The following STAU1 variants were observed in gnomAD, a reference collection of about 807,000 sequenced individuals.
The protein encoded by STAU1 is double-stranded RNA-binding protein Staufen homolog 1.
A neutral mutation model predicts 62.9 loss-of-function variants in STAU1; 13 were observed. The observed-to-expected ratio is 0.21, with a 90% confidence interval of 0.13 to 0.33. The LOEUF (loss-of-function observed/expected upper bound fraction) is 0.33, where lower values mean the gene tolerates loss of function less well. STAU1 is among the 10% of genes least tolerant of loss of function. The pLI is 1.00. For missense variants in STAU1, 571 were observed against 712.1 expected (o/e 0.80, Z 2.25); for synonymous variants, 269 against 265.1 (o/e 1.01, Z -0.14).
the STAU1 span, among the ~76,000 whole-genome samples, chr20:49,204,108 A>C: frequency 1.3e-5 from 2 of 151,766 alleles, no homozygotes; most frequent in African/African-American, 4.8e-5. Context: ...CTAAAACAAT[A>C]TTGTTTTGTG....
the STAU1 span, among the ~76,000 whole-genome samples, chr20:49,204,988 A>G: frequency 3.9e-5 from 6 of 151,986 alleles, no homozygotes; most frequent in African/African-American, 9.6e-5. Flanking sequence ...TCATAAAAAA[A>G]AATTCACAAG....
the STAU1 span, among the ~76,000 whole-genome samples, chr20:49,217,728 T>A: frequency 1.4e-5 from 2 of 147,014 alleles, no homozygotes; most frequent in East Asian, 4.0e-4. Context: ...ATGCCTGTAA[T>A]CCCAGCTACT....
At chr20:49,217,803 C>A in the STAU1 span, among the ~76,000 whole-genome samples, 9 of 149,330 alleles carry the variant, frequency 6.0e-5, no homozygotes, top group Admixed American at 1.3e-4. Flanking sequence ...GCCGAGATCG[C>A]GCCACTACAC....
At chr20:49,171,983 G>A (rs2085107740) in intron 2 of STAU1, among the ~76,000 whole-genome samples, 1 of 148,752 alleles carries the variant, frequency 6.7e-6, no homozygotes, top group South Asian at 2.1e-4. Context: ...ACAGAGATTA[G>A]CCCTGAGGAG....
In STAU1 at chr20:49,134,188, T is replaced by C. The variant is rs1035537038; in HGVS notation, c.609+1645A>G. ...GGCTCACGCCTGTAATCCCAGCACTTTGGGAGGCCGAGATGGGTGGATCAC... is the reference window on the plus strand; with the variant it reads ...GGCTCACGCCTGTAATCCCAGCACTCTGGGAGGCCGAGATGGGTGGATCAC... On this transcript the variant is annotated intron_variant, in intron 6 of 13. Transcript: ENST00000371856. Among the ~76,000 whole-genome samples, 3 of 151,974 alleles carry C rather than the reference T, an allele frequency of 2.0e-5. No homozygotes were observed. In the East Asian group the frequency reaches 5.8e-4, roughly 29 times the overall value.
intron 1 of STAU1, among the ~76,000 whole-genome samples, chr20:49,181,236 T>C (rs898290367): frequency 1.3e-5 from 2 of 152,222 alleles, no homozygotes; most frequent in African/African-American, 2.4e-5. Context: ...CCTGACCTTT[T>C]AATTCCTTTT....
intron 2 of STAU1, among the ~76,000 whole-genome samples, chr20:49,170,724 G>C (rs1244964926): frequency 3.4e-5 from 5 of 145,246 alleles, no homozygotes; most frequent in Non-Finnish European, 7.5e-5. Context: ...CTATACTTTT[G>C]TTTAATCAAC....
chr20:49,195,903 A>AAAAAAAAGAAAAAAAG, the STAU1 span, among the ~76,000 whole-genome samples: 274 of 94,454 alleles, frequency 2.9e-3, 3 homozygotes, highest in African/African-American at 7.8e-3. Context: ...CCTCTCAAAA[A>AAAAAAAAGAAAAAAAG]AAAAAAAAAA....
the STAU1 span, among the ~76,000 whole-genome samples, chr20:49,217,076 G>A: frequency 1.3e-5 from 2 of 152,148 alleles, no homozygotes; most frequent in Non-Finnish European, 2.9e-5. Flanking sequence ...AGAATGAGGC[G>A]CTGCTCAGCG....
intron 2 of STAU1, among the ~76,000 whole-genome samples, chr20:49,170,453 T>C (rs2093582731): frequency 6.6e-6 from 1 of 152,088 alleles, no homozygotes; most frequent in African/African-American, 2.4e-5. Flanking sequence ...CAGGTTCAAG[T>C]GATTCTCCTG....
chr20:49,135,797 T>A (rs2092868502), intron 6 of STAU1, 36 bp downstream of exon 6: 5 of 1,513,864 alleles, frequency 3.3e-6, no homozygotes, highest in Non-Finnish European at 4.6e-6. Context: ...TAACAGGATT[T>A]TAGAATACAA....
chr20:49,172,991 C>CA (rs1300767570), intron 2 of STAU1, among the ~76,000 whole-genome samples: 3 of 68,102 alleles, frequency 4.4e-5, no homozygotes, highest in Non-Finnish European at 8.4e-5. Flanking sequence ...CATTCTCCCG[C>CA]CCCCCAACAC....
chr20:49,163,419 CTTTTTTTTTTTTTT>C (rs200864480), intron 3 of STAU1, among the ~76,000 whole-genome samples: 3 of 82,440 alleles, frequency 3.6e-5, no homozygotes, highest in Admixed American at 3.0e-4. Flanking sequence ...GTGTTTAAAC[CTTTTTTTTTTTTTT>C]TTTTTTTTTT....
At chr20:49,175,932 C>A (rs1213408172) in intron 1 of STAU1, among the ~76,000 whole-genome samples, 1 of 150,932 alleles carries the variant, frequency 6.6e-6, no homozygotes, top group African/African-American at 2.4e-5. Context: ...GTAGCTGGGA[C>A]TACAGGCGCC....
At chr20:49,126,574 C>CAAAAAAAAAAAAAAAAAAAAAA (rs58056780) in intron 6 of STAU1, among the ~76,000 whole-genome samples, 2 of 25,014 alleles carry the variant, frequency 8.0e-5, no homozygotes, top group African/African-American at 2.8e-4. Flanking sequence ...TCTCAAAAAG[C>CAAAAAAAAAAAAAAAAAAAAAA]AAAAAAAAAA....
chr20:49,187,295 A>G (rs577028292), intron 1 of STAU1, among the ~76,000 whole-genome samples: 1 of 152,180 alleles, frequency 6.6e-6, no homozygotes, highest in Non-Finnish European at 1.5e-5. Context: ...GGAGATGGAA[A>G]GAAACAGCAT....
At chr20:49,169,787 G>A (rs1600832801) in intron 2 of STAU1, among the ~76,000 whole-genome samples, 1 of 152,222 alleles carries the variant, frequency 6.6e-6, no homozygotes, top group East Asian at 1.9e-4. Context: ...CCTATTTGAA[G>A]GGCTTTAGAC....
At chr20:49,185,969 G>A (rs2093781584) in intron 1 of STAU1, among the ~76,000 whole-genome samples, 2 of 151,882 alleles carry the variant, frequency 1.3e-5, no homozygotes. Context: ...AGCCTCGGGA[G>A]TAGCTGGGAC....
intron 6 of STAU1, 130 bp from the exon 7 acceptor site, chr20:49,124,717 A>C: frequency 1.1e-6 from 1 of 881,916 alleles, no homozygotes; most frequent in Non-Finnish European, 1.8e-6. Flanking sequence ...AATGAAAGGA[A>C]GCGGGGATCA....
Sources: allele counts gnomAD v4.1 joint callset (sites outside exome capture counted in the v4.1 genomes callset), GRCh38; gene constraint gnomAD v4.1.1; transcripts MANE v1.5; gene names NCBI Gene and HGNC (gene_info 2026-07-23, HGNC 2026-07-21).